Variants in AGPS observed in about 807,000 individuals in gnomAD.
AGPS encodes alkyldihydroxyacetonephosphate synthase, peroxisomal.
In AGPS, 26 loss-of-function variants were observed where a neutral mutation model predicts 90.7. That is an observed-to-expected ratio of 0.29 (90% CI 0.21 to 0.40). The LOEUF (loss-of-function observed/expected upper bound fraction) is 0.40, where lower values mean the gene tolerates loss of function less well. AGPS is among the 10% of genes least tolerant of loss of function. AGPS has a pLI of 1.00. For missense variants in AGPS, 540 were observed against 816.1 expected (o/e 0.66, Z 4.12); for synonymous variants, 294 against 285.3 (o/e 1.03, Z -0.31).
chr2:177,532,748 C>T (rs1446380290), intron 19 of AGPS, among the ~76,000 whole-genome samples: 1 of 152,110 alleles, frequency 6.6e-6, no homozygotes, highest in Non-Finnish European at 1.5e-5. Context: ...GAATGGCTGC[C>T]TACACATACT....
chr2:177,410,855 C>CA (rs910885148), intron 1 of AGPS, among the ~76,000 whole-genome samples: 4 of 152,188 alleles, frequency 2.6e-5, no homozygotes, highest in African/African-American at 9.7e-5. Flanking sequence ...GCTTCTGACT[C>CA]AGAGATCCTT....
chr2:177,471,840 T>C (rs1245050048), intron 10 of AGPS, among the ~76,000 whole-genome samples: 1 of 152,212 alleles, frequency 6.6e-6, no homozygotes, highest in Non-Finnish European at 1.5e-5. Flanking sequence ...TCTTTAAGTT[T>C]CTTTAAAATG....
rs1049324335 is a variant in AGPS at position 177,422,943 on chromosome 2, GAT to G, written c.350+2587_350+2588del. 1.5e-3 allele frequency among the ~76,000 whole-genome samples: 24 copies of G among 16,134 alleles called. 8 individuals are homozygous for G. Among genetic ancestry groups the G allele is most frequent in the African/African-American group, 3.0e-3 (24 of 8,022 alleles). 10.6% of individuals were successfully genotyped at this position (16,134 alleles called of 152,430 possible). A position where few individuals can be genotyped will look rare whatever the true frequency, so the allele number is the denominator to read the frequency against. Reference sequence around the variant, plus strand: ...TACCTTACAATAACCCTATCAGATGGATAGAGTTACCTTCTTAAAAATAATGA... The same window carrying G: ...TACCTTACAATAACCCTATCAGATGGAGAGTTACCTTCTTAAAAATAATGA... On this transcript the variant is annotated intron_variant, in intron 2 of 19. Transcript: ENST00000264167.
chr2:177,514,678 GTCTTA>G (rs1471348832), intron 17 of AGPS, among the ~76,000 whole-genome samples: 2 of 151,894 alleles, frequency 1.3e-5, no homozygotes, highest in African/African-American at 4.8e-5. Context: ...CTTTTCTATT[GTCTTA>G]TCTTGTACTT....
chr2:177,532,345 T>A (rs995040817), intron 19 of AGPS, among the ~76,000 whole-genome samples: 2 of 152,068 alleles, frequency 1.3e-5, no homozygotes, highest in Admixed American at 6.6e-5. Context: ...AGATGGCACA[T>A]AATCACATGA....
chr2:177,489,495 T>C (rs1213053960), intron 11 of AGPS, among the ~76,000 whole-genome samples: 1 of 152,204 alleles, frequency 6.6e-6, no homozygotes, highest in Non-Finnish European at 1.5e-5. Flanking sequence ...ACTATTCAGA[T>C]TATGCAATCA....
Position 177,540,031 on chromosome 2 carries a change from GTATATATA to G in AGPS, c.*1852_*1859del, listed in dbSNP as rs373957026. ...TTAAGGTACTAATGTCTCACTGGAA[GTATATATA>G]TATATATATATATATGTATGCATGT... On this transcript the variant is annotated 3_prime_UTR_variant, in exon 20 of 20. Transcript: ENST00000264167. The G allele has an allele frequency of 2.4e-5, 3 of 127,610 alleles. No homozygotes were observed. The highest frequency in any genetic ancestry group is 4.9e-5 in the Non-Finnish European group (3 of 60,808). 7.9% of individuals were successfully genotyped at this position (127,610 alleles called of 1,614,324 possible). A position where few individuals can be genotyped will look rare whatever the true frequency, so the allele number is the denominator to read the frequency against.
chr2:177,406,861 G>A (rs997612693), intron 1 of AGPS, among the ~76,000 whole-genome samples: 1 of 152,146 alleles, frequency 6.6e-6, no homozygotes, highest in African/African-American at 2.4e-5. Context: ...GAAAATCCTT[G>A]TGCTTTCTTC....
intron 2 of AGPS, among the ~76,000 whole-genome samples, 192 bp downstream of exon 2, chr2:177,420,550 T>TTG (rs1191731930): frequency 6.6e-6 from 1 of 151,534 alleles, no homozygotes; most frequent in Non-Finnish European, 1.5e-5. Context: ...ATATATGTAT[T>TTG]TGTGTGTGTG....
At chr2:177,527,604 A>T (rs7604668) in intron 19 of AGPS, among the ~76,000 whole-genome samples, 131,260 of 152,096 alleles carry the variant, frequency 0.86, 56,844 homozygotes, top group East Asian at 0.95. Flanking sequence ...ACTTCCTGAT[A>T]GTAGGTTCCT....
chr2:177,477,324 G>T (rs1687809997), intron 10 of AGPS, among the ~76,000 whole-genome samples: 1 of 151,786 alleles, frequency 6.6e-6, no homozygotes, highest in Admixed American at 6.6e-5. Flanking sequence ...TACCTCCTTA[G>T]TAACCTCTAT....
At position 177,393,044 on chromosome 2, in the gene AGPS, G is replaced by A. The variant is rs1197128210; in HGVS notation, c.255G>A (p.Lys85=). 1.9e-6 allele frequency: 3 copies of A among 1,550,380 alleles called. No individual in the cohort carries two copies. Reference sequence around the variant, plus strand: ...CGCAGGAGTCGGGCACCATCCCAAAGAAGCGGTGAGTAGCGGTATGTGGAA... The same window carrying A: ...CGCAGGAGTCGGGCACCATCCCAAAAAAGCGGTGAGTAGCGGTATGTGGAA... ...PAAQESGTIP[K]KRQEVMKWNG... The change falls in exon 1 of 20, where the codon AAG becomes AAA. Residue 85 remains lysine (K), a synonymous_variant. Coordinates refer to ENST00000264167, the MANE Select transcript of AGPS (RefSeq NM_003659.4).
At chr2:177,420,664 A>G (rs1485431940) in intron 2 of AGPS, among the ~76,000 whole-genome samples, 1 of 151,790 alleles carries the variant, frequency 6.6e-6, no homozygotes, top group East Asian at 1.9e-4. Context: ...TATCCAGTTC[A>G]TATTCACATT....
chr2:177,519,290 G>C (rs1689113633), intron 17 of AGPS, among the ~76,000 whole-genome samples: 1 of 151,954 alleles, frequency 6.6e-6, no homozygotes, highest in Non-Finnish European at 1.5e-5. Flanking sequence ...GTTTTACCTA[G>C]AACAATATCT....
intron 12 of AGPS, 64 bp from the exon 13 acceptor site, chr2:177,497,625 T>C: frequency 1.2e-6 from 1 of 864,050 alleles, no homozygotes; most frequent in Non-Finnish European, 1.7e-6. Context: ...TAAGTTGGAG[T>C]AGCTTCTTGA....
intron 11 of AGPS, among the ~76,000 whole-genome samples, chr2:177,484,319 A>G (rs1415331746): frequency 3.3e-5 from 5 of 151,908 alleles, no homozygotes; most frequent in Non-Finnish European, 7.4e-5. Flanking sequence ...GATGAGCTTC[A>G]CTATTCCCCC....
chr2:177,485,803 G>A (rs991054735), intron 11 of AGPS, among the ~76,000 whole-genome samples: 4 of 152,132 alleles, frequency 2.6e-5, no homozygotes, highest in East Asian at 3.8e-4. Flanking sequence ...TGTAATCCTA[G>A]CTACTCTGGA....
At chr2:177,398,281 G>A (rs889361120) in intron 1 of AGPS, among the ~76,000 whole-genome samples, 20 of 152,176 alleles carry the variant, frequency 1.3e-4, no homozygotes, top group African/African-American at 4.3e-4. Flanking sequence ...CCTATTTTGA[G>A]TTCCTAGCTA....
intron 19 of AGPS, among the ~76,000 whole-genome samples, chr2:177,525,477 C>T (rs1406299324): frequency 6.6e-6 from 1 of 152,040 alleles, no homozygotes; most frequent in African/African-American, 2.4e-5. Context: ...CAAATTTGCC[C>T]TTTGGTATGT....
Sources: gnomAD v4.1 joint callset for allele counts (sites outside exome capture counted in the v4.1 genomes callset) on GRCh38, gnomAD v4.1.1 for gene constraint, MANE v1.5 for transcripts, NCBI Gene and HGNC (gene_info 2026-07-23, HGNC 2026-07-21) for gene names.